The following DOCK6 variants were observed in gnomAD, a reference collection of about 807,000 sequenced individuals.
DOCK6 encodes dedicator of cytokinesis protein 6.
Under a neutral mutation model 230.3 loss-of-function variants are expected in DOCK6, and 167 were observed. The ratio of observed to expected loss-of-function variants is 0.73; its 90% confidence interval spans 0.64 to 0.82. The LOEUF (loss-of-function observed/expected upper bound fraction) is 0.82, where lower values mean the gene tolerates loss of function less well. Ranked by LOEUF, DOCK6 falls within the 40% of genes least tolerant of loss-of-function variation. The pLI is 0.00. For synonymous variants in DOCK6, 1,148 were observed against 1,185.0 expected (o/e 0.97, Z 0.64); for missense variants, 2,598 against 2,825.8 (o/e 0.92, Z 1.83).
chr19:11,241,842 G>T (rs2079951294), intron 14 of DOCK6: 1 of 1,365,462 alleles, frequency 7.3e-7, no homozygotes, highest in South Asian at 1.3e-5. Flanking sequence ...CGCAGGCGGG[G>T]ACAAAGGCAG....
chr19:11,240,092 A>G (rs10164278), intron 14 of DOCK6: 1 of 1,550,980 alleles, frequency 6.4e-7, no homozygotes, highest in East Asian at 2.4e-5. Flanking sequence ...GTACACAAAG[A>G]TGAGTTGGAC....
Position 11,238,307 on chromosome 19 carries a change from G to A in DOCK6, c.1644-3C>T, listed in dbSNP as rs907009136. ...GCGGGTACACGTACAGCAGGTTCCT[G>A]TGGGGGGCAGGATGGGGGTGTCAGA... On this transcript the variant is annotated splice_polypyrimidine_tract_variant and splice_region_variant and intron_variant, in intron 14 of 47. Transcript: ENST00000294618. The A allele has an allele frequency of 6.2e-7, 1 of 1,600,760 alleles. No homozygotes were observed. The highest frequency in any genetic ancestry group is 8.5e-7 in the Non-Finnish European group (1 of 1,174,188).
At chr19:11,209,898 T>C (rs2079341563) in intron 37 of DOCK6, among the ~76,000 whole-genome samples, 2 of 100,986 alleles carry the variant, frequency 2.0e-5, no homozygotes, top group African/African-American at 8.1e-5. Context: ...CCCTCACCTG[T>C]CCACCCCCTC....
At position 11,222,757 on chromosome 19, in the gene DOCK6, G is replaced by C. The variant is rs767860489; in HGVS notation, c.3218C>G (p.Ser1073Cys). ...PLSPPASPSP[S>C]VSSTTSQSST... ...CACCTGGGAGGTGGTGGAGGACACA[G>C]AGGGGGAGGGCGAGGCTGGAGGTGA... Residue 1073 changes from serine (S) to cysteine (C), a missense_variant, in exon 26 of 48, where the codon TCT becomes TGT. Ser to Cys is a moderately radical substitution (Grantham distance 112, BLOSUM62 -1). Transcript: ENST00000294618. This position sits in a 1 kb window ranked among gnomAD's most constrained non-coding sequence, Gnocchi z 4.0. 5 of 1,577,914 alleles carry C rather than the reference G, an allele frequency of 3.2e-6. No individual in the cohort carries two copies. The highest frequency in any genetic ancestry group is 1.2e-5 in the South Asian group (1 of 86,454).
intron 2 of DOCK6, among the ~76,000 whole-genome samples, 172 bp from the exon 3 acceptor site, chr19:11,253,130 C>A (rs2080145666): frequency 6.6e-6 from 1 of 151,996 alleles, no homozygotes; most frequent in African/African-American, 2.4e-5. Flanking sequence ...AGACTCTCCA[C>A]CCCCACCTCA....
At chr19:11,260,861 T>G in intron 1 of DOCK6, among the ~76,000 whole-genome samples, 1 of 85,404 alleles carries the variant, frequency 1.2e-5, no homozygotes, top group African/African-American at 4.7e-5. Context: ...CCAGTTTGGG[T>G]GACAGAGCGA....
At chr19:11,255,053 A>G (rs1464591759) in intron 1 of DOCK6, among the ~76,000 whole-genome samples, 3 of 151,926 alleles carry the variant, frequency 2.0e-5, no homozygotes, top group Non-Finnish European at 2.9e-5. Context: ...CCCAGGCTGG[A>G]GTGCAATGGC....
intron 24 of DOCK6, 23 bp from the exon 25 acceptor site, chr19:11,223,129 A>T: frequency 6.2e-7 from 1 of 1,605,538 alleles, no homozygotes; most frequent in Non-Finnish European, 8.5e-7. Context: ...GTGCCTGTCA[A>T]CCCACACACC....
In DOCK6 at chr19:11,228,987, C is replaced by T. The variant is rs143194982; in HGVS notation, c.2767G>A (p.Val923Ile). ...ALQWVVSSSA[V>I]REAILQHAWF... is the part of the protein sequence containing the mutation. ...GCGTGCTGGAGGATGGCCTCGCGTA[C>T]GGCACTGCTGCTGACCACCCACTGC... The change falls in exon 23 of 48, where the codon GTA (valine) becomes ATA (isoleucine). Residue 923 changes from valine to isoleucine, a missense_variant. By Grantham distance (29) the Val-to-Ile change is conservative (BLOSUM62 3). Transcript: ENST00000294618. 272 of 1,613,666 alleles carry T rather than the reference C, an allele frequency of 1.7e-4. 1 individual carries two copies. The Middle Eastern group carries it at 6.6e-3, about 39-fold the overall frequency.
At chr19:11,237,097 A>G in intron 18 of DOCK6, 1 of 595,588 alleles carries the variant, frequency 1.7e-6, no homozygotes, top group Non-Finnish European at 3.0e-6. Context: ...ATGGAGACAC[A>G]GGGTGAATGA....
Position 11,214,741 on chromosome 19 carries a change from A to G in DOCK6, c.4107-92T>C, listed in dbSNP as rs2163830. The G allele has an allele frequency of 0.58, 675,725 of 1,160,044 alleles. 200,296 individuals are homozygous for G. The highest frequency in any genetic ancestry group is 0.62 in the Non-Finnish European group (496,744 of 801,124). The allele number at this position is 1,160,044 out of a possible 1,614,324, so 71.9% of individuals were successfully genotyped here. On this transcript the variant is annotated intron_variant, in intron 32 of 47. Coordinates refer to ENST00000294618, the MANE Select transcript of DOCK6 (RefSeq NM_020812.4). The stretch of plus-strand genomic sequence containing the variant: ...TCCTTCCCCTGGCAGCCCAGGGGGC[A>G]CTGGCTCCCTGGAAGCTGTTCTGTT...
Position 11,221,967 on chromosome 19 carries a change from C to T in DOCK6, c.3434G>A (p.Gly1145Asp). Residue 1145 changes from glycine (G) to aspartate (D), a missense_variant, in exon 28 of 48, where the codon GGC (glycine) becomes GAC (aspartate). Physicochemically the swap from Gly to Asp is moderately conservative, Grantham distance 94. Coordinates refer to ENST00000294618, the MANE Select transcript of DOCK6 (RefSeq NM_020812.4). ...AISAVHSLLC[G>D]HDTDPRYAEA... ...GGCGTAGCGGGGGTCAGTGTCATGGCCACATAGCAGGCTGTGCACAGCACT... is the reference window on the plus strand; with the variant it reads ...GGCGTAGCGGGGGTCAGTGTCATGGTCACATAGCAGGCTGTGCACAGCACT... The T allele has an allele frequency of 1.2e-6, 2 of 1,613,868 alleles. No individual in the cohort carries two copies. The highest frequency in any genetic ancestry group is 1.7e-6 in the Non-Finnish European group (2 of 1,179,882).
At chr19:11,231,819 C>T (rs1465489462) in intron 22 of DOCK6, among the ~76,000 whole-genome samples, 1 of 152,032 alleles carries the variant, frequency 6.6e-6, no homozygotes, top group African/African-American at 2.4e-5. Flanking sequence ...ATAGGGGAGC[C>T]GAGAGGTTCC....
chr19:11,234,321 G>A (rs2079813766), intron 21 of DOCK6, among the ~76,000 whole-genome samples: 1 of 149,000 alleles, frequency 6.7e-6, no homozygotes, highest in Admixed American at 6.7e-5. Context: ...GAGACAGGCT[G>A]GTCTCAAACT....
At position 11,243,334 on chromosome 19, in the gene DOCK6, G is replaced by A. The variant is rs1003376563; in HGVS notation, c.1310C>T (p.Ala437Val). Reference protein sequence around the residue: ...DRRRRGPQDRASSGDDACSFS... With the variant: ...DRRRRGPQDRVSSGDDACSFS... ...GCTGCAGGCGTCGTCCCCACTACTC[G>A]CCCGGTCCTGGGGCCCCCGACGGCG... Residue 437 changes from alanine (A) to valine (V), a missense_variant, in exon 12 of 48, where the codon GCG becomes GTG. Transcript: ENST00000294618. This position sits in a 1 kb window ranked among gnomAD's most constrained non-coding sequence, Gnocchi z 6.3. 3 of 1,598,742 alleles carry A rather than the reference G, an allele frequency of 1.9e-6. No homozygotes were observed. The highest frequency in any genetic ancestry group is 1.1e-5 in the South Asian group (1 of 88,648).
intron 5 of DOCK6, 188 bp downstream of exon 5, chr19:11,251,931 C>T: frequency 1.2e-6 from 1 of 806,138 alleles, no homozygotes; most frequent in Non-Finnish European, 1.9e-6. Flanking sequence ...CATATGAAGC[C>T]TTCAGTACAC....
At chr19:11,255,832 G>A (rs1166720851) in intron 1 of DOCK6, among the ~76,000 whole-genome samples, 1 of 152,054 alleles carries the variant, frequency 6.6e-6, no homozygotes, top group South Asian at 2.1e-4. Context: ...TGTTGCCCAC[G>A]CTGGAGTGCA....
intron 21 of DOCK6, among the ~76,000 whole-genome samples, chr19:11,234,946 T>A (rs1011574564): frequency 6.6e-6 from 1 of 151,804 alleles, no homozygotes; most frequent in African/African-American, 2.4e-5. Flanking sequence ...CTTTCTTTCT[T>A]ATTTTTTTTT....
intron 7 of DOCK6, 185 bp downstream of exon 7, chr19:11,247,881 A>T: frequency 1.7e-6 from 1 of 590,218 alleles, no homozygotes; most frequent in African/African-American, 1.8e-5. Flanking sequence ...ATTGGCACTT[A>T]AGGATTGGAG....
Sources: allele counts gnomAD v4.1 joint callset (sites outside exome capture counted in the v4.1 genomes callset), GRCh38; gene constraint gnomAD v4.1.1; non-coding constraint Gnocchi (gnomAD v3.1); transcripts MANE v1.5; gene names NCBI Gene and HGNC (gene_info 2026-07-23, HGNC 2026-07-21).